The following RUNX1T1 variants were observed in gnomAD, a reference collection of about 807,000 sequenced individuals.
RUNX1T1 encodes protein CBFA2T1.
In RUNX1T1, 4 loss-of-function variants were observed where a neutral mutation model predicts 62.8. That is an observed-to-expected ratio of 0.06 (90% CI 0.03 to 0.15). The LOEUF is 0.15. Ranked by LOEUF, RUNX1T1 falls within the 10% of genes least tolerant of loss-of-function variation. The probability of loss-of-function intolerance (pLI) is 1.00; values close to 1 mark genes in which losing one functional copy is unlikely to be tolerated. For missense variants in RUNX1T1, 508 were observed against 754.3 expected (o/e 0.67, Z 3.82); for synonymous variants, 291 against 286.0 (o/e 1.02, Z -0.18).
Position 92,008,102 on chromosome 8 carries a change from T to C in RUNX1T1, c.478-2805A>G, listed in dbSNP as rs1821166390. The stretch of plus-strand genomic sequence containing the variant: ...ACATTATATGTAGCACATGACTGTA[T>C]ATGCATAAGATTTAAATTGTCCAAA... On this transcript the variant is annotated intron_variant, in intron 4 of 10. Transcript: ENST00000396218. Among the ~76,000 whole-genome samples, 2 of 152,066 alleles carry C rather than the reference T, an allele frequency of 1.3e-5. 1 individual carries two copies. The highest frequency in any genetic ancestry group is 4.1e-4 in the South Asian group (2 of 4,824).
intron 5 of RUNX1T1, among the ~76,000 whole-genome samples, chr8:91,997,518 T>G (rs913543528): frequency 1.3e-5 from 2 of 152,352 alleles, no homozygotes; most frequent in Admixed American, 6.5e-5. Context: ...CTCACTTATC[T>G]GAGTTTCGAC....
At chr8:92,082,991 TGG>T (rs1281583960) in intron 1 of RUNX1T1, among the ~76,000 whole-genome samples, 1 of 152,182 alleles carries the variant, frequency 6.6e-6, no homozygotes, top group East Asian at 1.9e-4. Flanking sequence ...GCCACTACAA[TGG>T]TTTTCAGCCT....
At chr8:91,983,054 A>G (rs1815749490) in intron 8 of RUNX1T1, among the ~76,000 whole-genome samples, 1 of 148,568 alleles carries the variant, frequency 6.7e-6, no homozygotes, top group Non-Finnish European at 1.5e-5. Flanking sequence ...CAGCCTCCCG[A>G]GTAGCTGGGA....
In RUNX1T1 at chr8:91,986,405, T is replaced by C. The variant is rs1170448262; in HGVS notation, c.997-80A>G. The C allele has an allele frequency of 3.6e-6, 4 of 1,126,628 alleles. No individual in the cohort carries two copies. In the African/African-American group the frequency reaches 4.6e-5, roughly 13 times the overall value. 69.8% of individuals were successfully genotyped at this position (1,126,628 alleles called of 1,614,324 possible). On this transcript the variant is annotated intron_variant, in intron 7 of 10. Transcript: ENST00000396218. ...TTTTGCTGAGTAGTGAAACAAACCA[T>C]TTCAGGACAATGAAGGAAGCAATTT... is the stretch of plus-strand genomic sequence containing the variant.
upstream of RUNX1T1, among the ~76,000 whole-genome samples, chr8:92,064,610 C>T (rs534583347): frequency 3.3e-5 from 5 of 152,264 alleles, no homozygotes; most frequent in South Asian, 2.1e-4. Flanking sequence ...CTTAATGCTA[C>T]ATGCCACTGA....
chr8:91,999,039 G>A (rs1221989739), intron 5 of RUNX1T1, among the ~76,000 whole-genome samples: 1 of 152,192 alleles, frequency 6.6e-6, no homozygotes, highest in African/African-American at 2.4e-5. Context: ...CCCAGTATGT[G>A]TAATGCACTA....
chr8:92,036,225 T>C (rs1237513418), intron 1 of RUNX1T1, among the ~76,000 whole-genome samples: 1 of 152,122 alleles, frequency 6.6e-6, no homozygotes, highest in African/African-American at 2.4e-5. Flanking sequence ...AAATGAAAAA[T>C]GTTGCTTGCT....
chr8:92,062,582 G>A (rs368151906), exon 1 of RUNX1T1: 50 of 1,613,930 alleles, frequency 3.1e-5, no homozygotes, highest in Non-Finnish European at 3.6e-5. Flanking sequence ...CACAGAAAGT[G>A]GCTGTCTCCT....
exon 3 of RUNX1T1, chr8:92,014,651 G>A (rs1008715728): frequency 3.5e-5 from 56 of 1,613,822 alleles, no homozygotes; most frequent in Non-Finnish European, 4.3e-5. Context: ...ACTGCTGCAG[G>A]GTAGTAAGGA....
At chr8:92,032,341 A>T (rs1483063903) in intron 1 of RUNX1T1, among the ~76,000 whole-genome samples, 1 of 152,126 alleles carries the variant, frequency 6.6e-6, no homozygotes, top group African/African-American at 2.4e-5. Flanking sequence ...AATTCATAAA[A>T]ATAAACCCGT....
intron 5 of RUNX1T1, among the ~76,000 whole-genome samples, chr8:91,999,214 T>TA (rs1819295519): frequency 6.6e-6 from 1 of 152,132 alleles, no homozygotes; most frequent in East Asian, 1.9e-4. Context: ...AAGGTACCAT[T>TA]AAAAACAGAA....
In RUNX1T1 at chr8:92,047,753, A is replaced by T. The variant is rs907373400; in HGVS notation, c.7+14793T>A. 1.0e-4 allele frequency among the ~76,000 whole-genome samples: 14 copies of T among 133,930 alleles called. No individual in the cohort carries two copies. In the East Asian group the frequency reaches 2.9e-3, roughly 28 times the overall value. The allele number at this position is 133,930 out of a possible 152,430, so 87.9% of individuals were successfully genotyped here. On this transcript the variant is annotated intron_variant, in intron 1 of 10. Transcript: ENST00000396218. ...ACACTGTACTAGGCACTATGGATTT[A>T]AAAAAAAAAAAAAGATACAAAGGAA...
intron 1 of RUNX1T1, among the ~76,000 whole-genome samples, chr8:92,057,840 T>C (rs746526175): frequency 2.0e-5 from 3 of 152,134 alleles, no homozygotes; most frequent in Non-Finnish European, 4.4e-5. Context: ...GAACTGCAAC[T>C]GTACACAAAG....
chr8:92,093,425 C>T (rs965243191), intron 1 of RUNX1T1, among the ~76,000 whole-genome samples: 10 of 151,908 alleles, frequency 6.6e-5, no homozygotes, highest in African/African-American at 2.4e-4. Flanking sequence ...GTAAATTACA[C>T]CAAGATAACA....
At chr8:92,060,553 A>ATATATGTGTGTGTGTGTGTGTGTG in intron 1 of RUNX1T1, among the ~76,000 whole-genome samples, 4 of 63,946 alleles carry the variant, frequency 6.3e-5, no homozygotes, top group Admixed American at 1.6e-4. Context: ...ATATATATAT[A>ATATATGTGTGTGTGTGTGTGTGTG]TGTGTGTGTG....
chr8:92,054,796 C>G (rs1228986861), intron 1 of RUNX1T1, among the ~76,000 whole-genome samples: 1 of 152,062 alleles, frequency 6.6e-6, no homozygotes, highest in Non-Finnish European at 1.5e-5. Flanking sequence ...GAGACTGAGA[C>G]CATCCTGGCC....
chr8:91,985,053 T>C (rs567813839), intron 8 of RUNX1T1, among the ~76,000 whole-genome samples: 75 of 152,252 alleles, frequency 4.9e-4, no homozygotes, highest in Admixed American at 2.9e-3. Flanking sequence ...GATCAACAGA[T>C]AATATACTTC....
intron 5 of RUNX1T1, among the ~76,000 whole-genome samples, chr8:92,000,682 T>C (rs993474400): frequency 3.3e-5 from 5 of 152,216 alleles, no homozygotes. Flanking sequence ...CCAACATGAT[T>C]TTAAAATGAT....
At chr8:92,082,701 A>G (rs1302205781) in intron 1 of RUNX1T1, among the ~76,000 whole-genome samples, 1 of 152,118 alleles carries the variant, frequency 6.6e-6, no homozygotes, top group Non-Finnish European at 1.5e-5. Flanking sequence ...AGATGGACCT[A>G]CCTCACTGTT....
Sources: allele counts gnomAD v4.1 joint callset (sites outside exome capture counted in the v4.1 genomes callset), GRCh38; gene constraint gnomAD v4.1.1; transcripts MANE v1.5; gene names NCBI Gene and HGNC (gene_info 2026-07-23, HGNC 2026-07-21).